Variants in KAT14 observed in about 807,000 individuals in gnomAD.
KAT14 encodes lysine acetyltransferase 14.
A neutral mutation model predicts 78.4 loss-of-function variants in KAT14; 66 were observed. That is an observed-to-expected ratio of 0.84 (90% CI 0.69 to 1.03). KAT14 has a LOEUF of 1.03. KAT14 is among the 50% of genes least tolerant of loss of function. KAT14 has a pLI of 0.00. For missense variants in KAT14, 870 were observed against 972.5 expected, an observed-to-expected ratio of 0.89 and a Z score of 1.40; for synonymous variants, 344 against 359.4, an observed-to-expected ratio of 0.96 and a Z score of 0.48.
At chr20:18,181,618 C>G (rs2039255546) in intron 7 of KAT14, 92 bp from the exon 8 acceptor site, 25 of 1,567,318 alleles carry the variant, frequency 1.6e-5, no homozygotes, top group Non-Finnish European at 2.2e-5. Flanking sequence ...ATCCGCCTAC[C>G]TCAGCTTCCC....
chr20:18,145,179 A>G, intron 2 of KAT14, 54 bp from the exon 3 acceptor site: 1 of 1,585,884 alleles, frequency 6.3e-7, no homozygotes, highest in Non-Finnish European at 8.6e-7. Flanking sequence ...TTAAACCTTT[A>G]GGTTACCGCT....
chr20:18,150,988 A>G (rs1205535017), intron 4 of KAT14, 46 bp downstream of exon 4: 1 of 1,603,374 alleles, frequency 6.2e-7, no homozygotes. Context: ...ATATGTAAAG[A>G]ATGAAGTATA....
At chr20:18,145,767 T>C (rs1484014195) in intron 3 of KAT14, among the ~76,000 whole-genome samples, 1 of 151,150 alleles carries the variant, frequency 6.6e-6, no homozygotes, top group Non-Finnish European at 1.5e-5. Context: ...GGCGACAAAG[T>C]GTGACTCCTT....
At chr20:18,166,654 T>C (rs1654060361) in intron 7 of KAT14, among the ~76,000 whole-genome samples, 1 of 152,248 alleles carries the variant, frequency 6.6e-6, no homozygotes, top group African/African-American at 2.4e-5. Flanking sequence ...GTTGTGAAAC[T>C]CAGCAGGGGT....
intron 1 of KAT14, among the ~76,000 whole-genome samples, chr20:18,141,415 GATTTTTAC>G (rs1311388125): frequency 6.6e-6 from 1 of 151,910 alleles, no homozygotes; most frequent in Non-Finnish European, 1.5e-5. Context: ...AATTCTGCAT[GATTTTTAC>G]ATTGTTAACT....
chr20:18,150,755 T>TC, intron 3 of KAT14, 66 bp from the exon 4 acceptor site: 4 of 1,601,894 alleles, frequency 2.5e-6, no homozygotes, highest in Non-Finnish European at 3.4e-6. Context: ...AAGAAGCTTT[T>TC]CCCCCCTCAA....
Position 18,137,955 on chromosome 20 carries a change from G to T in KAT14, c.-550G>T, listed in dbSNP as rs773786882. On this transcript the variant is annotated 5_prime_UTR_variant, in exon 1 of 11. Coordinates refer to ENST00000688188, the MANE Select transcript of KAT14 (RefSeq NM_001392073.1). The stretch of plus-strand genomic sequence containing the variant: ...GAGAGGCCGCGGCCGCCAGCGTGGG[G>T]ATGTCTAGGAGCTCGAAGGTGGTGC... The T allele has an allele frequency of 1.3e-6, 2 of 1,488,004 alleles. No homozygotes were observed. The highest frequency in any genetic ancestry group is 8.9e-7 in the Non-Finnish European group (1 of 1,126,578). 92.2% of individuals were successfully genotyped at this position (1,488,004 alleles called of 1,614,324 possible).
At chr20:18,186,314 C>T (rs1181050480) in intron 10 of KAT14, among the ~76,000 whole-genome samples, 2 of 152,128 alleles carry the variant, frequency 1.3e-5, no homozygotes, top group African/African-American at 2.4e-5. Flanking sequence ...GGTGAGATCA[C>T]GTATATTTGC....
chr20:18,140,430 G>C (rs1291610378), intron 1 of KAT14, among the ~76,000 whole-genome samples: 1 of 152,046 alleles, frequency 6.6e-6, no homozygotes, highest in African/African-American at 2.4e-5. Context: ...TTAAAAATAG[G>C]TAAAATAATT....
At chr20:18,156,818 T>C (rs1034063682) in intron 4 of KAT14, among the ~76,000 whole-genome samples, 1 of 152,218 alleles carries the variant, frequency 6.6e-6, no homozygotes, top group African/African-American at 2.4e-5. Context: ...ACCAGTCATA[T>C]TGGATTAGTG....
At position 18,149,980 on chromosome 20, in the gene KAT14, AC is replaced by A. The variant is rs573265519; in HGVS notation, c.379-840del. On this transcript the variant is annotated intron_variant, in intron 3 of 10. Coordinates refer to ENST00000688188, the MANE Select transcript of KAT14 (RefSeq NM_001392073.1). ...AAACCAAACAAACAAATACAAAAAA[AC>A]ATCTATATGAGTATCTGAGTATAGA... 3.3e-3 allele frequency among the ~76,000 whole-genome samples: 503 copies of A among 152,268 alleles called. 3 individuals carry two copies. The highest frequency in any genetic ancestry group is 0.011 in the African/African-American group (464 of 41,552).
chr20:18,137,742 C>A (rs973308795), upstream of KAT14: 8 of 466,916 alleles, frequency 1.7e-5, no homozygotes, highest in Non-Finnish European at 2.6e-5. Context: ...GTGCAGGAGG[C>A]CCCTAGTGAA....
Position 18,187,304 on chromosome 20 carries a change from G to A in KAT14, c.2191G>A (p.Val731Ile), listed in dbSNP as rs764145827. Residue 731 changes from valine (V) to isoleucine (I), a missense_variant, in exon 11 of 11, where the codon GTA (valine) becomes ATA (isoleucine). Coordinates refer to ENST00000688188, the MANE Select transcript of KAT14 (RefSeq NM_001392073.1). ...TTGGCAGACCTGCATGGGCAAGGAC[G>A]TAACCCTTCACGTCTCAGCAAGCAA... is the stretch of plus-strand genomic sequence containing the variant. ...HLIQTCMGKD[V>I]TLHVSASNPA... is the part of the protein sequence containing the mutation. The A allele has an allele frequency of 9.9e-6, 16 of 1,612,026 alleles. No homozygotes were observed. Among genetic ancestry groups the A allele is most frequent in the South Asian group, 2.2e-5 (2 of 90,496 alleles).
chr20:18,138,085 C>G (rs2037362341), intron 1 of KAT14, 34 bp downstream of exon 1: 2 of 1,436,102 alleles, frequency 1.4e-6, no homozygotes, highest in Admixed American at 2.8e-5. Context: ...TCCGGGCCCG[C>G]GCGCGCGGCG....
In KAT14 at chr20:18,141,023, A is replaced by ATTTTTT. The variant is rs67633205; in HGVS notation, c.-453-1167_-453-1162dup. 1.3e-3 allele frequency among the ~76,000 whole-genome samples: 64 copies of ATTTTTT among 48,720 alleles called. 2 individuals are homozygous for ATTTTTT. The highest frequency in any genetic ancestry group is 2.6e-3 in the African/African-American group (24 of 9,060). The allele number at this position is 48,720 out of a possible 152,430, so 32.0% of individuals were successfully genotyped here. A position where few individuals can be genotyped will look rare whatever the true frequency, so the allele number is the denominator to read the frequency against. ...CAGGCACACACCACCACTCCCTGCA[A>ATTTTTT]TTTTTTTTTTTTTTTTTTTTTTTAT... On this transcript the variant is annotated intron_variant, in intron 1 of 10. Transcript: ENST00000688188.
rs181462189 is a variant in KAT14, at chr20:18,187,464, A to T, written c.*5A>T. ...TTTCTGAGGCTCCGGCGCTGATGCG[A>T]ATACAGCTCACAGAGAAACGCATGT... is the stretch of plus-strand genomic sequence containing the variant. On this transcript the variant is annotated 3_prime_UTR_variant, in exon 11 of 11. Coordinates refer to ENST00000688188, the MANE Select transcript of KAT14 (RefSeq NM_001392073.1). The T allele has an allele frequency of 3.9e-4, 632 of 1,613,858 alleles. 3 individuals are homozygous for T. The African/African-American group carries it at 7.4e-3, about 19-fold the overall frequency.
At chr20:18,140,626 G>A (rs897925580) in intron 1 of KAT14, among the ~76,000 whole-genome samples, 5 of 151,320 alleles carry the variant, frequency 3.3e-5, no homozygotes, top group Non-Finnish European at 5.9e-5. Flanking sequence ...CCTGGCCAAC[G>A]TGGTGAAACC....
chr20:18,143,118 T>A (rs2037653663), intron 2 of KAT14, 199 bp downstream of exon 2: 2 of 1,329,710 alleles, frequency 1.5e-6, no homozygotes, highest in East Asian at 5.5e-5. Context: ...TCTATCACAT[T>A]GTTAAATTAA....
At chr20:18,146,771 G>T (rs1019440581) in intron 3 of KAT14, among the ~76,000 whole-genome samples, 1 of 152,040 alleles carries the variant, frequency 6.6e-6, no homozygotes, top group East Asian at 1.9e-4. Flanking sequence ...CTTGAGCCTG[G>T]GAGGTTGAGG....
Sources: allele counts gnomAD v4.1 joint callset (sites outside exome capture counted in the v4.1 genomes callset), GRCh38; gene constraint gnomAD v4.1.1; transcripts MANE v1.5; gene names NCBI Gene and HGNC (gene_info 2026-07-23, HGNC 2026-07-21).